UGT2B4: variants seen among roughly 807,000 people sequenced by gnomAD.
UGT2B4 encodes UDP-glucuronosyltransferase 2B4.
In UGT2B4, 49 loss-of-function variants were observed where a neutral mutation model predicts 49.8. The ratio of observed to expected loss-of-function variants is 0.98; its 90% CI spans 0.78 to 1.25. The LOEUF is 1.25. UGT2B4 is among the 50% of genes most tolerant of loss of function. UGT2B4 has a pLI of 0.00. For synonymous variants in UGT2B4, 246 were observed against 217.7 expected (o/e 1.13, Z -1.14); for missense variants, 729 against 627.7 (o/e 1.16, Z -1.73).
upstream of UGT2B4, among the ~76,000 whole-genome samples, chr4:69,499,541 T>G (rs888395254): frequency 2.6e-5 from 4 of 152,214 alleles, no homozygotes; most frequent in Non-Finnish European, 4.4e-5. Flanking sequence ...TGAGTCTGGG[T>G]GCTTCTGTAT....
At chr4:69,512,088 C>G (rs1577901398) in intron 1 of UGT2B4, among the ~76,000 whole-genome samples, 1 of 151,056 alleles carries the variant, frequency 6.6e-6, no homozygotes, top group East Asian at 1.9e-4. Context: ...AAAAAAAAAC[C>G]TCATCTTAGA....
intron 1 of UGT2B4, among the ~76,000 whole-genome samples, chr4:69,511,645 G>A (rs1297825080): frequency 6.6e-6 from 1 of 152,026 alleles, no homozygotes; most frequent in African/African-American, 2.4e-5. Flanking sequence ...TCTGTCGCGT[G>A]TTTGTCTGGG....
chr4:69,523,473 T>G (rs1232795058), intron 1 of UGT2B4, among the ~76,000 whole-genome samples: 1 of 152,128 alleles, frequency 6.6e-6, no homozygotes, highest in Non-Finnish European at 1.5e-5. Context: ...GGTAAAATTT[T>G]GAAAGGAGTC....
Position 69,480,885 on chromosome 4 carries a change from A to T in UGT2B4, c.1336T>A (p.Ser446Thr). The T allele has an allele frequency of 6.2e-7, 1 of 1,613,804 alleles. No homozygotes were observed. The highest frequency in any genetic ancestry group is 8.5e-7 in the Non-Finnish European group (1 of 1,179,808). ...ACTGGTTGATCATGATGAATTCTTGATAATTTCATAGCATTCTCTTTATAT... is the reference window on the plus strand; with the variant it reads ...ACTGGTTGATCATGATGAATTCTTGTTAATTTCATAGCATTCTCTTTATAT... ...PLYKENAMKL[S>T]RIHHDQPVKP... Residue 446 changes from serine (S) to threonine (T), a missense_variant, in exon 6 of 6, where the codon TCA becomes ACA. Physicochemically the swap from Ser to Thr is moderately conservative, Grantham distance 58. Coordinates refer to ENST00000305107, the MANE Select transcript of UGT2B4 (RefSeq NM_021139.3).
intron 1 of UGT2B4, among the ~76,000 whole-genome samples, chr4:69,524,104 C>T (rs774333403): frequency 8.5e-6 from 1 of 117,402 alleles, no homozygotes; most frequent in East Asian, 2.3e-4. Flanking sequence ...ATTTTCTTCA[C>T]GTCAGCGATA....
At chr4:69,494,561 A>G (rs1455123984) in intron 1 of UGT2B4, among the ~76,000 whole-genome samples, 1 of 152,174 alleles carries the variant, frequency 6.6e-6, no homozygotes, top group Admixed American at 6.6e-5. Context: ...CTTAAAATAA[A>G]TGGTTTCCAA....
chr4:69,511,408 T>C (rs1233702698), intron 1 of UGT2B4, among the ~76,000 whole-genome samples: 1 of 152,192 alleles, frequency 6.6e-6, no homozygotes. Context: ...TCTGCCGAGA[T>C]GTTTGTGTGG....
intron 5 of UGT2B4, among the ~76,000 whole-genome samples, chr4:69,483,189 TATC>T (rs1461547995): frequency 1.1e-4 from 16 of 152,280 alleles, no homozygotes; most frequent in African/African-American, 3.6e-4. Flanking sequence ...ATTTTTTAGT[TATC>T]ATTTTTATAA....
chr4:69,508,030 C>G, intron 1 of UGT2B4, among the ~76,000 whole-genome samples: 1 of 151,884 alleles, frequency 6.6e-6, no homozygotes, highest in East Asian at 1.9e-4. Context: ...AAAAAGTGGG[C>G]AAAGGATATA....
At chr4:69,493,639 A>G (rs1728058099) in intron 2 of UGT2B4, 54 bp downstream of exon 2, 11 of 1,567,150 alleles carry the variant, frequency 7.0e-6, no homozygotes, top group Admixed American at 4.1e-5. Context: ...GAATGAATAT[A>G]GAACCATTCG....
At chr4:69,521,958 T>C (rs1728859785) in intron 1 of UGT2B4, among the ~76,000 whole-genome samples, 1 of 152,200 alleles carries the variant, frequency 6.6e-6, no homozygotes, top group African/African-American at 2.4e-5. Context: ...AGTATATTAA[T>C]GATTTGAGCA....
At position 69,509,170 on chromosome 4, in the gene UGT2B4, A is replaced by ATTTTTTTTTTTT. The variant is rs3075675; in HGVS notation, c.-105-13216_-105-13205dup. 4.8e-4 allele frequency among the ~76,000 whole-genome samples: 58 copies of ATTTTTTTTTTTT among 119,752 alleles called. 9 individuals are homozygous for ATTTTTTTTTTTT. Among genetic ancestry groups the ATTTTTTTTTTTT allele is most frequent in the Non-Finnish European group, 6.6e-4 (40 of 61,024 alleles). The allele number at this position is 119,752 out of a possible 152,430, so 78.6% of individuals were successfully genotyped here. A position where few individuals can be genotyped will look rare whatever the true frequency, so the allele number is the denominator to read the frequency against. ...GATTGTTAGATCATATGGAATTTCT[A>ATTTTTTTTTTTT]TTTTTTTTTTTTTTTTTTGAGACAG... On this transcript the variant is annotated intron_variant, in intron 1 of 1. Coordinates refer to the UGT2B4 transcript ENST00000510114.
intron 1 of UGT2B4, among the ~76,000 whole-genome samples, chr4:69,506,402 C>T (rs912568135): frequency 1.3e-5 from 2 of 152,020 alleles, no homozygotes; most frequent in Non-Finnish European, 2.9e-5. Context: ...GAGATTAGCA[C>T]AGACTTGACA....
chr4:69,485,684 A>G (rs9997034), intron 4 of UGT2B4, among the ~76,000 whole-genome samples: 2 of 150,658 alleles, frequency 1.3e-5, no homozygotes, highest in South Asian at 4.1e-4. Context: ...TTAGATAAGG[A>G]AACATCATGT....
At position 69,486,698 on chromosome 4, in the gene UGT2B4, T is replaced by C. The variant is rs761800941; in HGVS notation, c.1003-2A>G. The C allele has an allele frequency of 6.3e-6, 10 of 1,595,808 alleles. No individual in the cohort carries two copies. In the African/African-American group the frequency reaches 1.2e-4, roughly 19 times the overall value. ...ATTCCCATCAAATCTCCACAGAACC[T>C]GTTACAGTGAAGAAAATATCTTATT... On this transcript the variant is annotated splice_acceptor_variant, in intron 3 of 5. Transcript: ENST00000305107. LOFTEE classifies it high-confidence loss of function.
chr4:69,522,804 G>A (rs1056702334), intron 1 of UGT2B4, among the ~76,000 whole-genome samples: 1 of 152,164 alleles, frequency 6.6e-6, no homozygotes, highest in Non-Finnish European at 1.5e-5. Flanking sequence ...TTTACCCATA[G>A]TAGAACTTCT....
At chr4:69,497,463 T>G (rs41299950), upstream of UGT2B4, among the ~76,000 whole-genome samples, 111 of 152,344 alleles carry the variant, frequency 7.3e-4, no homozygotes, top group Non-Finnish European at 1.4e-3. Flanking sequence ...ACATAATGTC[T>G]CATTGTAATT....
chr4:69,500,150 C>A (rs964329575), upstream of UGT2B4, among the ~76,000 whole-genome samples: 3 of 152,114 alleles, frequency 2.0e-5, no homozygotes, highest in Non-Finnish European at 2.9e-5. Context: ...CAGAATCAGA[C>A]AACCAAATAC....
intron 2 of UGT2B4, among the ~76,000 whole-genome samples, chr4:69,490,174 G>C (rs1727938139): frequency 2.0e-5 from 3 of 152,074 alleles, no homozygotes; most frequent in Admixed American, 2.0e-4. Context: ...TGGTGGTTAA[G>C]AATCACTGAC....
Sources: gnomAD v4.1 joint callset for allele counts (sites outside exome capture counted in the v4.1 genomes callset) on GRCh38, gnomAD v4.1.1 for gene constraint, MANE v1.5 for transcripts, NCBI Gene and HGNC (gene_info 2026-07-23, HGNC 2026-07-21) for gene names.